The following STK31 variants were observed in gnomAD, a reference collection of about 807,000 sequenced individuals.
The protein encoded by STK31 is serine/threonine kinase 31, also known as serine/threonine-protein kinase 31.
In STK31, 89 loss-of-function variants were observed where a neutral mutation model predicts 129.7. The ratio of observed to expected loss-of-function variants is 0.69; its 90% CI spans 0.58 to 0.82. The LOEUF (loss-of-function observed/expected upper bound fraction) is 0.82. Ranked by LOEUF, STK31 falls within the 40% of genes least tolerant of loss-of-function variation. STK31 has a pLI of 0.00. For synonymous variants in STK31, 448 were observed against 395.3 expected, an observed-to-expected ratio of 1.13 and a Z score of -1.58; for missense variants, 1,187 against 1,176.4, an observed-to-expected ratio of 1.01 and a Z score of -0.13.
Position 23,712,104 on chromosome 7 carries a change from C to A in STK31, c.56C>A (p.Ser19Ter). Residue 19 changes from serine (S) to a stop codon, truncating the protein, a stop_gained, in exon 2 of 24, where the codon TCA (serine) becomes TAA (stop). Coordinates refer to ENST00000355870, the MANE Select transcript of STK31 (RefSeq NM_031414.5). LOFTEE classifies it high-confidence loss of function. Reference protein sequence around the residue: ...RASATESVSFSGIVQMDEDTH... With the variant: ...RASATESVSF ...AATTTAAGGTATTGTTCTAGTTTTT[C>A]AGGAATTGTTCAAATGGATGAAGAT... The A allele has an allele frequency of 6.2e-7, 1 of 1,608,302 alleles. No individual in the cohort carries two copies. The highest frequency in any genetic ancestry group is 1.3e-5 in the African/African-American group (1 of 74,786).
At chr7:23,832,048 A>G in intron 23 of STK31, 88 bp from the exon 24 acceptor site, 1 of 909,792 alleles carries the variant, frequency 1.1e-6, no homozygotes, top group Non-Finnish European at 1.7e-6. Flanking sequence ...TCCTGACTGT[A>G]TTTATTGAAA....
At chr7:23,819,213 G>A (rs2390819) in intron 23 of STK31, among the ~76,000 whole-genome samples, 115,317 of 151,506 alleles carry the variant, frequency 0.76, 44,469 homozygotes, top group African/African-American at 0.88. Context: ...CCTAGGGAAG[G>A]TAACTATCTT....
intron 10 of STK31, among the ~76,000 whole-genome samples, chr7:23,760,092 T>C (rs1347602811): frequency 1.3e-5 from 2 of 152,218 alleles, no homozygotes; most frequent in African/African-American, 4.8e-5. Context: ...CTTTATTAGC[T>C]TAGGTACAAG....
intron 9 of STK31, among the ~76,000 whole-genome samples, chr7:23,753,971 T>C (rs1008062001): frequency 6.6e-6 from 1 of 152,192 alleles, no homozygotes; most frequent in Non-Finnish European, 1.5e-5. Context: ...GACCAAAAAT[T>C]GAAGGTTCAT....
intron 6 of STK31, among the ~76,000 whole-genome samples, chr7:23,730,787 A>G (rs1787354988): frequency 1.3e-5 from 2 of 148,376 alleles, no homozygotes; most frequent in Non-Finnish European, 3.0e-5. Flanking sequence ...AACTGAATTA[A>G]TAAACTGCAG....
At chr7:23,789,777 G>C (rs1791506591) in intron 21 of STK31, among the ~76,000 whole-genome samples, 1 of 151,998 alleles carries the variant, frequency 6.6e-6, no homozygotes, top group African/African-American at 2.4e-5. Flanking sequence ...CATAATTATA[G>C]ATATGACTAC....
At chr7:23,774,528 A>G (rs1021577504) in intron 15 of STK31, among the ~76,000 whole-genome samples, 4 of 152,168 alleles carry the variant, frequency 2.6e-5, no homozygotes, top group South Asian at 2.1e-4. Flanking sequence ...TTCTCTGATG[A>G]CCAGTGATGA....
At chr7:23,749,217 G>A (rs540293441) in intron 8 of STK31, among the ~76,000 whole-genome samples, 8 of 152,034 alleles carry the variant, frequency 5.3e-5, no homozygotes, top group Non-Finnish European at 8.8e-5. Context: ...AATCATAATT[G>A]TTTTAAATTC....
At chr7:23,770,609 A>G (rs1790121841) in intron 13 of STK31, among the ~76,000 whole-genome samples, 1 of 152,058 alleles carries the variant, frequency 6.6e-6, no homozygotes, top group Non-Finnish European at 1.5e-5. Flanking sequence ...AGTTTCCCAT[A>G]TGAATGGCTT....
At chr7:23,806,599 G>A (rs1425492415) in intron 22 of STK31, among the ~76,000 whole-genome samples, 2 of 152,142 alleles carry the variant, frequency 1.3e-5, no homozygotes, top group Admixed American at 1.3e-4. Flanking sequence ...GAATGTAGGA[G>A]GATTAAGAGA....
chr7:23,766,942 A>C (rs1350448450), intron 11 of STK31, among the ~76,000 whole-genome samples: 1 of 152,128 alleles, frequency 6.6e-6, no homozygotes, highest in African/African-American at 2.4e-5. Flanking sequence ...GTCTTTTTGG[A>C]GGGATCCTTG....
At position 23,733,989 on chromosome 7, in the gene STK31, A is replaced by ATAC. The variant is rs1377239624; in HGVS notation, c.484-1544_484-1542dup. Among the ~76,000 whole-genome samples, 36 of 152,266 alleles carry ATAC rather than the reference A, an allele frequency of 2.4e-4. 1 individual carries two copies. The highest frequency in any genetic ancestry group is 2.0e-3 in the Admixed American group (30 of 15,296). The stretch of plus-strand genomic sequence containing the variant: ...TACATCGGTCTCAATTTTACCCTCT[A>ATAC]TACTACTGTGTAGTTGAAGAGAAAA... On this transcript the variant is annotated intron_variant, in intron 6 of 23. Transcript: ENST00000355870.
At chr7:23,723,361 T>G (rs1786844027) in intron 4 of STK31, among the ~76,000 whole-genome samples, 1 of 152,200 alleles carries the variant, frequency 6.6e-6, no homozygotes, top group Non-Finnish European at 1.5e-5. Context: ...TCTATAAAAA[T>G]TAGCCCATCT....
chr7:23,727,565 T>TTA, intron 5 of STK31: 2 of 336,328 alleles, frequency 5.9e-6, no homozygotes, highest in South Asian at 3.2e-5. Flanking sequence ...TCTTTTTTTT[T>TTA]TTTTTTTTTT....
chr7:23,798,214 A>G (rs189937270), intron 22 of STK31, among the ~76,000 whole-genome samples: 68 of 152,336 alleles, frequency 4.5e-4, no homozygotes, highest in African/African-American at 1.4e-3. Flanking sequence ...TGTTCCAAAC[A>G]GTAGAAAAAG....
In STK31 at chr7:23,735,872, C is replaced by T. The variant is rs1454758483; in HGVS notation, c.818C>T (p.Ala273Val). Residue 273 changes from alanine (A) to valine (V), a missense_variant, in exon 7 of 24, where the codon GCA becomes GTA. Physicochemically the swap from Ala to Val is moderately conservative, Grantham distance 64 (BLOSUM62 0). This residue lies in a region of STK31 where 975 missense variants were observed against 934.9 expected (regional missense o/e 1.04). Coordinates refer to ENST00000355870, the MANE Select transcript of STK31 (RefSeq NM_031414.5). The part of the protein sequence containing the change: ...MTLDLKDEND[A>V]GNLITFPKES... Reference sequence around the variant, plus strand: ...CTTGACTTGAAGGATGAAAATGATGCAGGCAATCTTATAACATTTCCAAAG... The same window carrying T: ...CTTGACTTGAAGGATGAAAATGATGTAGGCAATCTTATAACATTTCCAAAG... 6.3e-7 allele frequency: 1 copy of T among 1,587,558 alleles called. No homozygotes were observed. The highest frequency in any genetic ancestry group is 1.1e-5 in the South Asian group (1 of 87,608).
intron 3 of STK31, 86 bp downstream of exon 3, chr7:23,712,372 A>G: frequency 7.9e-7 from 1 of 1,265,390 alleles, no homozygotes; most frequent in Admixed American, 1.8e-5. Context: ...CCCAGGAATA[A>G]ATACATTTGT....
At chr7:23,754,226 T>C in intron 9 of STK31, 89 bp from the exon 10 acceptor site, 1 of 1,400,600 alleles carries the variant, frequency 7.1e-7, no homozygotes, top group South Asian at 1.4e-5. Context: ...AAACACTAAC[T>C]TTTAGACCAT....
intron 11 of STK31, among the ~76,000 whole-genome samples, chr7:23,765,044 A>G (rs979699554): frequency 4.0e-5 from 6 of 149,510 alleles, no homozygotes; most frequent in Admixed American, 6.6e-5. Context: ...CTTTTTTTCT[A>G]TTTTTATTTT....
Sources: gnomAD v4.1 joint callset for allele counts (sites outside exome capture counted in the v4.1 genomes callset) on GRCh38, gnomAD v4.1.1 for gene constraint, gnomAD v4.1.1 regional missense constraint, MANE v1.5 for transcripts, NCBI Gene and HGNC (gene_info 2026-07-23, HGNC 2026-07-21) for gene names.